Variants in RASEF observed in about 807,000 individuals in gnomAD.
RASEF encodes the protein RAS and EF-hand domain containing.
A neutral mutation model predicts 90.1 loss-of-function variants in RASEF; 68 were observed. That is an observed-to-expected ratio of 0.75 (90% CI 0.62 to 0.92). The LOEUF (loss-of-function observed/expected upper bound fraction) is 0.92, where lower values mean the gene tolerates loss of function less well. RASEF is among the 40% of genes least tolerant of loss of function. The pLI, the probability that RASEF is intolerant of heterozygous loss-of-function variation, is 0.00. For missense variants in RASEF, 949 were observed against 937.2 expected (o/e 1.01, Z -0.16); for synonymous variants, 331 against 345.2 (o/e 0.96, Z 0.46).
the RASEF span, among the ~76,000 whole-genome samples, chr9:83,075,765 A>G: frequency 6.6e-6 from 1 of 152,214 alleles, no homozygotes; most frequent in Non-Finnish European, 1.5e-5. Flanking sequence ...ATGCTATAAC[A>G]TGAAGAGATG....
chr9:83,018,044 G>A (rs1829375314), intron 3 of RASEF, among the ~76,000 whole-genome samples: 1 of 152,028 alleles, frequency 6.6e-6, no homozygotes, highest in Non-Finnish European at 1.5e-5. Context: ...GGAACAGAAG[G>A]GACTCTACTG....
the RASEF span, among the ~76,000 whole-genome samples, chr9:83,144,454 AAAG>A: frequency 6.8e-6 from 1 of 147,750 alleles, no homozygotes; most frequent in Non-Finnish European, 1.5e-5. Context: ...AAAGAAAAGA[AAAG>A]AGAAGAGAAA....
the RASEF span, among the ~76,000 whole-genome samples, chr9:83,090,873 AATTATTATTATGATCTT>A: frequency 6.6e-6 from 1 of 151,946 alleles, no homozygotes; most frequent in Non-Finnish European, 1.5e-5. Flanking sequence ...GAATAATAAT[AATTATTATTATGATCTT>A]ATTATTATTA....
Position 83,062,595 on chromosome 9 carries a change from G to A in RASEF, c.273C>T (p.Ala91=), listed in dbSNP as rs771521778. The part of the protein sequence containing the change: ...RDWGPLDPAP[A]VSEAGPETHD... ...GTGTCTCCGGCCCCGCCTCAGACACGGCGGGCGCGGGATCCAGAGGACCCC... is the reference window on the plus strand; with the variant it reads ...GTGTCTCCGGCCCCGCCTCAGACACAGCGGGCGCGGGATCCAGAGGACCCC... The change falls in exon 1 of 17, where the codon GCC becomes GCT. Residue 91 remains alanine (A), a synonymous_variant. Coordinates refer to ENST00000376447, the MANE Select transcript of RASEF (RefSeq NM_152573.4). The A allele has an allele frequency of 3.8e-6, 6 of 1,571,688 alleles. No homozygotes were observed. The highest frequency in any genetic ancestry group is 1.4e-5 in the African/African-American group (1 of 73,838).
At chr9:83,035,284 T>C (rs1444325385) in intron 1 of RASEF, among the ~76,000 whole-genome samples, 1 of 152,190 alleles carries the variant, frequency 6.6e-6, no homozygotes. Flanking sequence ...GCCTAGACAA[T>C]GCATAAATGA....
At chr9:83,194,106 G>A in the RASEF span, among the ~76,000 whole-genome samples, 38 of 152,172 alleles carry the variant, frequency 2.5e-4, no homozygotes, top group South Asian at 7.3e-3. Context: ...TATTTGTCAC[G>A]ACTAAGAAAC....
At chr9:83,086,146 C>G in the RASEF span, among the ~76,000 whole-genome samples, 1 of 151,972 alleles carries the variant, frequency 6.6e-6, no homozygotes, top group Non-Finnish European at 1.5e-5. Context: ...ACAAAATGTG[C>G]TAGGTGTTAT....
the RASEF span, among the ~76,000 whole-genome samples, chr9:83,109,810 C>G: frequency 3.3e-5 from 5 of 152,112 alleles, no homozygotes; most frequent in African/African-American, 1.2e-4. Flanking sequence ...TCCTCCCAGA[C>G]GCGTTATAAA....
intron 3 of RASEF, among the ~76,000 whole-genome samples, chr9:83,018,815 C>T (rs1829391830): frequency 6.6e-6 from 1 of 151,952 alleles, no homozygotes; most frequent in Non-Finnish European, 1.5e-5. Flanking sequence ...TAACAATAGA[C>T]AAATCAATCA....
Position 83,000,655 on chromosome 9 carries a change from A to T in RASEF, c.1438-85T>A. On this transcript the variant is annotated intron_variant, in intron 10 of 16. Transcript: ENST00000376447. ...TCTAAAATGTATACATTATGGATTA[A>T]AAAGAAGAAAACTATGCAGCTAAAT... 4 of 1,266,708 alleles carry T rather than the reference A, an allele frequency of 3.2e-6. No individual in the cohort carries two copies. The East Asian group carries it at 9.7e-5, about 31-fold the overall frequency. 78.5% of individuals were successfully genotyped at this position (1,266,708 alleles called of 1,614,324 possible).
the RASEF span, among the ~76,000 whole-genome samples, chr9:83,156,658 G>A: frequency 6.6e-6 from 1 of 152,180 alleles, no homozygotes; most frequent in Non-Finnish European, 1.5e-5. Flanking sequence ...ACTAACAGTG[G>A]GATAATCATC....
the RASEF span, among the ~76,000 whole-genome samples, chr9:83,147,818 G>A: frequency 6.6e-6 from 1 of 152,028 alleles, no homozygotes; most frequent in South Asian, 2.1e-4. Flanking sequence ...GGATGGAGGG[G>A]GAGCTGGAAA....
the RASEF span, among the ~76,000 whole-genome samples, chr9:83,164,539 AT>A: frequency 6.6e-6 from 1 of 150,478 alleles, no homozygotes; most frequent in Non-Finnish European, 1.5e-5. Context: ...AGAGCAACTA[AT>A]TTTAAAAGTT....
the RASEF span, among the ~76,000 whole-genome samples, chr9:83,115,147 G>A: frequency 6.6e-6 from 1 of 152,028 alleles, no homozygotes; most frequent in East Asian, 1.9e-4. Flanking sequence ...GTGAAATATC[G>A]GGGGTGAATT....
chr9:83,135,470 G>T, the RASEF span, among the ~76,000 whole-genome samples: 7 of 152,020 alleles, frequency 4.6e-5, no homozygotes, highest in Non-Finnish European at 7.4e-5. Flanking sequence ...TTGCGCACAT[G>T]TACCCTAGAA....
the RASEF span, among the ~76,000 whole-genome samples, chr9:83,195,847 T>C: frequency 6.6e-6 from 1 of 152,078 alleles, no homozygotes; most frequent in African/African-American, 2.4e-5. Flanking sequence ...TTCTCCTTTC[T>C]TGCTTTTTAG....
intron 9 of RASEF, 78 bp downstream of exon 9, chr9:83,004,420 A>T (rs878913004): frequency 9.3e-6 from 7 of 756,230 alleles, no homozygotes; most frequent in South Asian, 1.6e-5. Flanking sequence ...TATTATTTTA[A>T]TCCACCTCCA....
rs553020088 is a variant in RASEF at position 83,027,643 on chromosome 9, C to G, written c.432-1722G>C. On this transcript the variant is annotated intron_variant, in intron 1 of 16. Coordinates refer to ENST00000376447, the MANE Select transcript of RASEF (RefSeq NM_152573.4). ...GAGGTATTTCAAAAGAAAAATTAAC[C>G]AGATTCAGTAGCTGATCTGAAAGAG... 7.9e-5 allele frequency among the ~76,000 whole-genome samples: 12 copies of G among 152,116 alleles called. 1 individual carries two copies. In the South Asian group the frequency reaches 1.7e-3, roughly 21 times the overall value.
At chr9:83,178,137 G>A in the RASEF span, among the ~76,000 whole-genome samples, 6 of 151,970 alleles carry the variant, frequency 3.9e-5, no homozygotes, top group Admixed American at 1.3e-4. Flanking sequence ...TGAGTTCTTC[G>A]AGTTGTTCAT....
Sources: allele counts gnomAD v4.1 joint callset (sites outside exome capture counted in the v4.1 genomes callset), GRCh38; gene constraint gnomAD v4.1.1; transcripts MANE v1.5; gene names NCBI Gene and HGNC (gene_info 2026-07-23, HGNC 2026-07-21).